Variants in CNIH3 observed in about 807,000 individuals in gnomAD.
CNIH3 encodes the protein protein cornichon homolog 3.
A neutral mutation model predicts 24.1 loss-of-function variants in CNIH3; 14 were observed. The observed-to-expected ratio is 0.58, with a 90% CI of 0.38 to 0.91. The LOEUF (loss-of-function observed/expected upper bound fraction) is 0.91, where lower values mean the gene tolerates loss of function less well. CNIH3 is among the 40% of genes least tolerant of loss of function. CNIH3 has a pLI of 0.00. For synonymous variants in CNIH3, 68 were observed against 73.8 expected (o/e 0.92, Z 0.40); for missense variants, 178 against 196.8 (o/e 0.90, Z 0.57).
Position 224,636,722 on chromosome 1 carries a change from G to C in CNIH3, c.81+19467G>C, listed in dbSNP as rs567814365. ...CCTCCACAACTCCTAATTGGATTTT[G>C]TGGCATTGGTTGTTTTCTGGATGGG... On this transcript the variant is annotated intron_variant, in intron 1 of 5. Coordinates refer to ENST00000272133, the MANE Select transcript of CNIH3 (RefSeq NM_152495.2). 3.3e-5 allele frequency among the ~76,000 whole-genome samples: 5 copies of C among 152,198 alleles called. No homozygotes were observed. In the East Asian group the frequency reaches 7.7e-4, roughly 23 times the overall value.
chr1:224,596,472 G>A (rs1165066773), intron 3 of CNIH3, among the ~76,000 whole-genome samples: 1 of 152,176 alleles, frequency 6.6e-6, no homozygotes, highest in South Asian at 2.1e-4. Flanking sequence ...AGATGTACAA[G>A]GATATGAATA....
At chr1:224,718,295 A>G (rs1688535454) in intron 3 of CNIH3, among the ~76,000 whole-genome samples, 1 of 152,126 alleles carries the variant, frequency 6.6e-6, no homozygotes, top group African/African-American at 2.4e-5. Context: ...ATATCTGAGG[A>G]GGAGCTCCCC....
Position 224,556,240 on chromosome 1 carries a change from G to A in CNIH3, n.450+9301G>A, listed in dbSNP as rs978179604. On this transcript the variant is annotated intron_variant and non_coding_transcript_variant, in intron 3 of 5. Coordinates refer to the CNIH3 transcript ENST00000471578. ...ATGGTGTCTGTCTATTTCACATGTG[G>A]TTTACTAGGTAATCTGGAATAGCAT... Among the ~76,000 whole-genome samples, 6 of 150,788 alleles carry A rather than the reference G, an allele frequency of 4.0e-5. No homozygotes were observed. The South Asian group carries it at 6.3e-4, about 16-fold the overall frequency.
chr1:224,559,728 A>G (rs932325396), intron 3 of CNIH3, among the ~76,000 whole-genome samples: 22 of 152,202 alleles, frequency 1.4e-4, no homozygotes, highest in Non-Finnish European at 5.9e-5. Flanking sequence ...CACAATTAAG[A>G]TAAATGCATA....
chr1:224,666,309 T>G (rs1685595661), intron 1 of CNIH3, among the ~76,000 whole-genome samples: 1 of 152,186 alleles, frequency 6.6e-6, no homozygotes, highest in South Asian at 2.1e-4. Context: ...TCCTGCTTTC[T>G]GACTGCCCTT....
rs1572832304 is a variant in CNIH3, at chr1:224,730,594, GTA to G, written c.311+24_311+25del. The G allele has an allele frequency of 6.9e-7, 1 of 1,456,682 alleles. No homozygotes were observed. The highest frequency in any genetic ancestry group is 1.4e-5 in the African/African-American group (1 of 71,192). The allele number at this position is 1,456,682 out of a possible 1,614,324, so 90.2% of individuals were successfully genotyped here. ...CTGGAGGTAAGTCAGACTGGGACTG[GTA>G]TATCCTTCGTCTTTTCTGCCAGGGC... On this transcript the variant is annotated intron_variant, in intron 4 of 5. Coordinates refer to ENST00000272133, the MANE Select transcript of CNIH3 (RefSeq NM_152495.2).
At chr1:224,562,283 C>T (rs1391669841) in intron 3 of CNIH3, among the ~76,000 whole-genome samples, 1 of 152,070 alleles carries the variant, frequency 6.6e-6, no homozygotes, top group Non-Finnish European at 1.5e-5. Flanking sequence ...CCCTGCTGAC[C>T]CTTCTACTCC....
At chr1:224,442,013 A>ATT (rs1167622615) in intron 1 of CNIH3, among the ~76,000 whole-genome samples, 3,145 of 119,870 alleles carry the variant, frequency 0.026, 173 homozygotes, top group African/African-American at 0.09. Flanking sequence ...GATTCCCTTA[A>ATT]TTTTTTTTTT....
At chr1:224,714,126 T>A (rs1688304186) in intron 3 of CNIH3, among the ~76,000 whole-genome samples, 1 of 152,188 alleles carries the variant, frequency 6.6e-6, no homozygotes. Flanking sequence ...CACTGCAACT[T>A]TTAATTGGTG....
intron 3 of CNIH3, among the ~76,000 whole-genome samples, chr1:224,598,924 T>C (rs887736694): frequency 6.6e-6 from 1 of 152,154 alleles, no homozygotes; most frequent in Non-Finnish European, 1.5e-5. Context: ...CAGTATCTCC[T>C]AGGTGTACCT....
chr1:224,549,959 C>T (rs920983072), intron 3 of CNIH3, among the ~76,000 whole-genome samples: 6 of 151,802 alleles, frequency 4.0e-5, no homozygotes, highest in African/African-American at 4.8e-5. Context: ...ATGTAACCAC[C>T]GGATAATATA....
intron 2 of CNIH3, among the ~76,000 whole-genome samples, chr1:224,543,836 G>T (rs138175795): frequency 6.6e-6 from 1 of 151,976 alleles, no homozygotes; most frequent in African/African-American, 2.4e-5. Context: ...TCCTCTGCTT[G>T]GAATACCTTT....
At chr1:224,574,022 C>G (rs998091924) in intron 4 of CNIH3, among the ~76,000 whole-genome samples, 19 of 152,110 alleles carry the variant, frequency 1.2e-4, no homozygotes, top group Non-Finnish European at 1.3e-4. Flanking sequence ...CTCAGCCTCC[C>G]AAGGTGTTGG....
In CNIH3 at chr1:224,458,654, T is replaced by G. The variant is rs902259076; in HGVS notation, n.203+23792T>G. 6.6e-6 allele frequency among the ~76,000 whole-genome samples: 1 copy of G among 152,224 alleles called. No homozygotes were observed. The highest frequency in any genetic ancestry group is 6.5e-5 in the Admixed American group (1 of 15,278). ...AATGATAACATACTGAACTCACTTT[T>G]ATGAATTTGTTGAGACCTTACCACT... is the stretch of plus-strand genomic sequence containing the variant. On this transcript the variant is annotated intron_variant and non_coding_transcript_variant, in intron 1 of 5. Transcript: ENST00000471578. This position sits in a 1 kb window ranked among gnomAD's most constrained non-coding sequence, Gnocchi z 4.3.
At chr1:224,479,937 C>T (rs952964508) in intron 1 of CNIH3, among the ~76,000 whole-genome samples, 1 of 152,186 alleles carries the variant, frequency 6.6e-6, no homozygotes, top group Non-Finnish European at 1.5e-5. Flanking sequence ...TTCACAACTT[C>T]ACTAGGTGCT....
intron 3 of CNIH3, among the ~76,000 whole-genome samples, chr1:224,686,398 G>T (rs989296419): frequency 1.3e-5 from 2 of 152,008 alleles, no homozygotes; most frequent in African/African-American, 4.8e-5. Flanking sequence ...TCTTAATCCA[G>T]TCTATCATTT....
chr1:224,573,163 T>G (rs1019087592), intron 4 of CNIH3, among the ~76,000 whole-genome samples: 1 of 152,238 alleles, frequency 6.6e-6, no homozygotes, highest in African/African-American at 2.4e-5. Context: ...TCTCGAATTT[T>G]TAGTCAGTCT....
rs1682359876 is a variant in CNIH3, at chr1:224,604,976, TG to T, written n.402+38715del. On this transcript the variant is annotated intron_variant and non_coding_transcript_variant, in intron 3 of 7. Transcript: ENST00000478120. This position sits in a 1 kb window ranked among gnomAD's most constrained non-coding sequence, Gnocchi z 4.4. ...AAAGCAGGAAAGTTCCCTGTGTGGTTGGGTCCAGGGCCTTTTATGGATTCAG... is the reference window on the plus strand; with the variant it reads ...AAAGCAGGAAAGTTCCCTGTGTGGTTGGTCCAGGGCCTTTTATGGATTCAG... Among the ~76,000 whole-genome samples, 1 of 152,160 alleles carries T rather than the reference TG, an allele frequency of 6.6e-6. No individual in the cohort carries two copies. The highest frequency in any genetic ancestry group is 2.4e-5 in the African/African-American group (1 of 41,426).
At chr1:224,733,575 G>A (rs1260273730) in intron 4 of CNIH3, among the ~76,000 whole-genome samples, 1 of 152,198 alleles carries the variant, frequency 6.6e-6, no homozygotes, top group African/African-American at 2.4e-5. Context: ...TCTGCGAGTT[G>A]CTACATTGCA....
Sources: allele counts gnomAD v4.1 joint callset (sites outside exome capture counted in the v4.1 genomes callset), GRCh38; gene constraint gnomAD v4.1.1; non-coding constraint Gnocchi (gnomAD v3.1); transcripts MANE v1.5; gene names NCBI Gene and HGNC (gene_info 2026-07-23, HGNC 2026-07-21).